The following L3MBTL4 variants were observed in gnomAD, a reference collection of about 807,000 sequenced individuals.
L3MBTL4 encodes L3MBTL histone methyl-lysine binding protein 4.
L3MBTL4 carries 70 observed loss-of-function variants against 84.5 expected under a neutral mutation model. The observed-to-expected ratio is 0.83, with a 90% CI of 0.68 to 1.01. The LOEUF is 1.01. L3MBTL4 is among the 50% of genes least tolerant of loss of function. L3MBTL4 has a pLI of 0.00. For missense variants in L3MBTL4, 715 were observed against 754.8 expected (o/e 0.95, Z 0.62); for synonymous variants, 274 against 259.8 (o/e 1.05, Z -0.52).
intron 16 of L3MBTL4, among the ~76,000 whole-genome samples, chr18:6,049,742 G>A (rs868801092): frequency 2.0e-5 from 3 of 152,134 alleles, no homozygotes; most frequent in African/African-American, 7.2e-5. Flanking sequence ...AGGGGGCAAA[G>A]GTTGAAAAAC....
intron 1 of L3MBTL4, among the ~76,000 whole-genome samples, chr18:6,381,094 T>A (rs557160735): frequency 5.9e-5 from 9 of 152,348 alleles, no homozygotes; most frequent in Admixed American, 2.6e-4. Context: ...TCTCTTTTGA[T>A]CTTTGTTGGT....
intron 4 of L3MBTL4, among the ~76,000 whole-genome samples, chr18:6,276,113 C>T (rs1332509662): frequency 1.3e-5 from 2 of 152,216 alleles, no homozygotes; most frequent in Non-Finnish European, 2.9e-5. Flanking sequence ...AGAAATGCAA[C>T]CATTTGTCTC....
At chr18:6,030,770 C>G in intron 16 of L3MBTL4, 1 of 983,552 alleles carries the variant, frequency 1.0e-6, no homozygotes, top group Non-Finnish European at 1.2e-6. Context: ...TAAGATTTTT[C>G]TGGCTTGAAG....
In L3MBTL4 at chr18:6,124,264, T is replaced by A. The variant is rs537958520; in HGVS notation, c.1199+13930A>T. Among the ~76,000 whole-genome samples the A allele has an allele frequency of 2.0e-5, 3 of 152,078 alleles. No individual in the cohort carries two copies. In the South Asian group the frequency reaches 6.2e-4, roughly 32 times the overall value. On this transcript the variant is annotated intron_variant, in intron 14 of 18. Coordinates refer to ENST00000317931, the MANE Select transcript of L3MBTL4 (RefSeq NM_001330559.2). Reference sequence around the variant, plus strand: ...TTTAATAGAAATTCTAGAGAGAATATATCTGGAATAGAAATAGAACTTGAA... The same window carrying A: ...TTTAATAGAAATTCTAGAGAGAATAAATCTGGAATAGAAATAGAACTTGAA...
intron 16 of L3MBTL4, among the ~76,000 whole-genome samples, chr18:6,078,221 G>A (rs1336023329): frequency 1.3e-5 from 2 of 151,186 alleles, no homozygotes; most frequent in Non-Finnish European, 2.9e-5. Context: ...GAGCTCAAGA[G>A]TTCAAAAACA....
rs755207199 is a variant in L3MBTL4 at position 6,341,271 on chromosome 18, G to A, written c.-90-29215C>T. On this transcript the variant is annotated intron_variant, in intron 1 of 18. Transcript: ENST00000317931. ...AGAACAAAATAAAGCTCCAGAGACT[G>A]ATCTTAAAAAAAATGGATACCTATG... is the stretch of plus-strand genomic sequence containing the variant. 3.3e-5 allele frequency among the ~76,000 whole-genome samples: 5 copies of A among 151,812 alleles called. No homozygotes were observed. In the South Asian group the frequency reaches 1.0e-3, roughly 32 times the overall value.
At chr18:6,252,602 T>C (rs1341675233) in intron 5 of L3MBTL4, among the ~76,000 whole-genome samples, 2 of 152,186 alleles carry the variant, frequency 1.3e-5, no homozygotes, top group African/African-American at 2.4e-5. Context: ...TTAAATGACA[T>C]AGTAATTCTT....
chr18:6,096,601 C>A (rs898455921), intron 14 of L3MBTL4, among the ~76,000 whole-genome samples: 1 of 152,176 alleles, frequency 6.6e-6, no homozygotes, highest in East Asian at 1.9e-4. Context: ...TGTGCATGCA[C>A]GTACGCATGC....
At chr18:5,979,483 C>T (rs2053111728) in intron 16 of L3MBTL4, among the ~76,000 whole-genome samples, 2 of 152,168 alleles carry the variant, frequency 1.3e-5, no homozygotes, top group Non-Finnish European at 2.9e-5. Flanking sequence ...TTTATTCACT[C>T]CAAGTGACTT....
chr18:6,056,082 A>G (rs750315619), intron 16 of L3MBTL4, among the ~76,000 whole-genome samples: 1 of 152,052 alleles, frequency 6.6e-6, no homozygotes, highest in South Asian at 2.1e-4. Context: ...ATTTGGGTTG[A>G]TATGTCCATA....
intron 16 of L3MBTL4, among the ~76,000 whole-genome samples, chr18:6,068,840 C>G (rs1334253022): frequency 6.6e-6 from 1 of 152,188 alleles, no homozygotes; most frequent in Non-Finnish European, 1.5e-5. Flanking sequence ...AAACGTCCCA[C>G]TAGTGGAAAG....
At chr18:6,080,716 G>A (rs2058046953) in intron 16 of L3MBTL4, among the ~76,000 whole-genome samples, 165 bp downstream of exon 16, 1 of 152,140 alleles carries the variant, frequency 6.6e-6, no homozygotes, top group Non-Finnish European at 1.5e-5. Flanking sequence ...TGAAGTGAAG[G>A]GACTCATTCA....
At chr18:6,100,979 C>T (rs921991999) in intron 14 of L3MBTL4, among the ~76,000 whole-genome samples, 1 of 152,208 alleles carries the variant, frequency 6.6e-6, no homozygotes, top group East Asian at 1.9e-4. Flanking sequence ...TCCCACTCAG[C>T]CTTTGCCTTT....
chr18:6,230,777 T>C (rs548142399), intron 10 of L3MBTL4, among the ~76,000 whole-genome samples: 1 of 152,224 alleles, frequency 6.6e-6, no homozygotes, highest in Non-Finnish European at 1.5e-5. Flanking sequence ...TTTTTAATAA[T>C]AGCCATTCTG....
intron 13 of L3MBTL4, among the ~76,000 whole-genome samples, chr18:6,148,043 A>C (rs9953337): frequency 0.073 from 11,036 of 152,052 alleles, 1,347 homozygotes; most frequent in African/African-American, 0.25. Context: ...TGACCTGTAG[A>C]CTCCAGTCGA....
rs60294342 is a variant in L3MBTL4 at position 6,004,997 on chromosome 18, A to ATTTTTTTTTTTTTTTTTTTTTT, written c.1445-35457_1445-35436dup. 1.5e-4 allele frequency among the ~76,000 whole-genome samples: 8 copies of ATTTTTTTTTTTTTTTTTTTTTT among 52,150 alleles called. 1 individual carries two copies. Among genetic ancestry groups the ATTTTTTTTTTTTTTTTTTTTTT allele is most frequent in the Admixed American group, 7.0e-4 (2 of 2,862 alleles). The allele number at this position is 52,150 out of a possible 152,430, so 34.2% of individuals were successfully genotyped here. ...ACACATAAAAATGGTTAAGATGATA[A>ATTTTTTTTTTTTTTTTTTTTTT]TTTTTTTTTTTTTTTTTTTTTTTTT... On this transcript the variant is annotated intron_variant, in intron 16 of 18. Coordinates refer to ENST00000317931, the MANE Select transcript of L3MBTL4 (RefSeq NM_001330559.2).
intron 5 of L3MBTL4, among the ~76,000 whole-genome samples, chr18:6,254,831 T>C (rs572771446): frequency 6.6e-6 from 1 of 152,296 alleles, no homozygotes; most frequent in African/African-American, 2.4e-5. Context: ...CATTTTAATG[T>C]GCATCCTAAC....
At chr18:6,344,535 C>T (rs1238147015) in intron 1 of L3MBTL4, among the ~76,000 whole-genome samples, 1 of 152,170 alleles carries the variant, frequency 6.6e-6, no homozygotes, top group African/African-American at 2.4e-5. Flanking sequence ...TCAAATTCAT[C>T]TCATGAAGCC....
chr18:6,025,297 C>T (rs867843036), intron 16 of L3MBTL4: 1 of 152,156 alleles, frequency 6.6e-6, no homozygotes, highest in Non-Finnish European at 1.5e-5. Flanking sequence ...TAAGAAGAGT[C>T]ACCTCTGCCT....
Sources: allele counts gnomAD v4.1 joint callset (sites outside exome capture counted in the v4.1 genomes callset), GRCh38; gene constraint gnomAD v4.1.1; transcripts MANE v1.5; gene names NCBI Gene and HGNC (gene_info 2026-07-23, HGNC 2026-07-21).